Variants in EML4 observed in about 807,000 individuals in gnomAD.
The protein encoded by EML4 is EMAP like 4.
In EML4, 72 loss-of-function variants were observed where a neutral mutation model predicts 129.0. That is an observed-to-expected ratio of 0.56 (90% CI 0.46 to 0.68). EML4 has a LOEUF of 0.68. Ranked by LOEUF, EML4 falls within the 30% of genes least tolerant of loss-of-function variation. The probability of loss-of-function intolerance (pLI) is 0.00; values close to 1 mark genes in which losing one functional copy is unlikely to be tolerated. For synonymous variants in EML4, 532 were observed against 405.0 expected, an observed-to-expected ratio of 1.31 and a Z score of -3.77; for missense variants, 1,363 against 1,190.6, an observed-to-expected ratio of 1.14 and a Z score of -2.13.
intron 3 of EML4, among the ~76,000 whole-genome samples, 200 bp from the exon 4 acceptor site, chr2:42,260,921 T>G (rs1665695122): frequency 1.3e-5 from 2 of 152,214 alleles, no homozygotes; most frequent in African/African-American, 4.8e-5. Flanking sequence ...CGCCTTAGAA[T>G]TTTTATAAAT....
chr2:42,231,520 C>G (rs530254945), intron 1 of EML4, among the ~76,000 whole-genome samples: 2 of 152,260 alleles, frequency 1.3e-5, no homozygotes, highest in South Asian at 4.1e-4. Context: ...TTCCTTTGTT[C>G]TCTATCAGTG....
At chr2:42,192,528 C>T (rs1042159207) in intron 1 of EML4, among the ~76,000 whole-genome samples, 8 of 152,150 alleles carry the variant, frequency 5.3e-5, no homozygotes, top group Admixed American at 1.3e-4. Flanking sequence ...GCATCAGCCA[C>T]CGTGCCCAGC....
chr2:42,247,482 A>G (rs1420941390), intron 2 of EML4, among the ~76,000 whole-genome samples: 1 of 152,088 alleles, frequency 6.6e-6, no homozygotes, highest in Non-Finnish European at 1.5e-5. Flanking sequence ...TCTTGGCCTC[A>G]TGTACTCTGG....
At chr2:42,276,860 C>T (rs1003029367) in intron 6 of EML4, among the ~76,000 whole-genome samples, 2 of 152,210 alleles carry the variant, frequency 1.3e-5, no homozygotes, top group Non-Finnish European at 2.9e-5. Context: ...TATACTTGAT[C>T]TCCAACATAT....
intron 20 of EML4, 138 bp from the exon 21 acceptor site, chr2:42,326,016 C>T (rs2103835919): frequency 1.4e-5 from 16 of 1,177,078 alleles, no homozygotes; most frequent in South Asian, 7.1e-5. Flanking sequence ...CTTTCTTTTC[C>T]TTTTTAAATG....
Position 42,330,091 on chromosome 2 carries a change from G to C in EML4, c.2830G>C (p.Glu944Gln). 1 of 1,612,986 alleles carries C rather than the reference G, an allele frequency of 6.2e-7. No individual in the cohort carries two copies. The highest frequency in any genetic ancestry group is 8.5e-7 in the Non-Finnish European group (1 of 1,179,878). The change falls in exon 23 of 23, where the codon GAG becomes CAG. Residue 944 changes from glutamate to glutamine, a missense_variant. Coordinates refer to ENST00000318522, the MANE Select transcript of EML4 (RefSeq NM_019063.5). ...AGACCACAGCGAGGAGGAGAGTGAA[G>C]AGGGCAGCGGAGACCTTGGTGAGCC... ...SEDHSEEESE[E>Q]GSGDLGEPLY...
Position 42,329,924 on chromosome 2 carries a change from C to A in EML4, c.2663C>A (p.Ser888Tyr). 6.2e-7 allele frequency: 1 copy of A among 1,614,050 alleles called. No homozygotes were observed. The highest frequency in any genetic ancestry group is 8.5e-7 in the Non-Finnish European group (1 of 1,180,020). ...DTTLTKAPVS[S>Y]TESVIQSNTP... ...ACTCTAACCAAAGCCCCCGTCTCTTCCACTGAAAGTGTCATCCAATCTAAT... is the reference window on the plus strand; with the variant it reads ...ACTCTAACCAAAGCCCCCGTCTCTTACACTGAAAGTGTCATCCAATCTAAT... Residue 888 changes from serine (S) to tyrosine (Y), a missense_variant, in exon 23 of 23, where the codon TCC becomes TAC. Transcript: ENST00000318522.
At chr2:42,238,063 T>G (rs1321256136) in intron 1 of EML4, among the ~76,000 whole-genome samples, 1 of 152,254 alleles carries the variant, frequency 6.6e-6, no homozygotes, top group African/African-American at 2.4e-5. Context: ...TGCACAAAAT[T>G]ATTTTTTAAA....
intron 21 of EML4, among the ~76,000 whole-genome samples, chr2:42,326,984 G>C (rs777874084): frequency 6.6e-6 from 1 of 152,054 alleles, no homozygotes; most frequent in Non-Finnish European, 1.5e-5. Context: ...AAGAAACTCT[G>C]TACCCATTAA....
rs181615546 is a variant in EML4 at position 42,190,715 on chromosome 2, C to T, written c.25+21079C>T. Among the ~76,000 whole-genome samples the T allele has an allele frequency of 5.2e-3, 796 of 152,244 alleles. 4 individuals are homozygous for T. The highest frequency in any genetic ancestry group is 6.6e-3 in the Non-Finnish European group (452 of 68,018). On this transcript the variant is annotated intron_variant, in intron 1 of 22. Coordinates refer to ENST00000318522, the MANE Select transcript of EML4 (RefSeq NM_019063.5). ...TTTGGTGTGTATCTTTATAGTCTTGCATAGGGGTTGGCAACTTTCTGTAAA... is the reference window on the plus strand; with the variant it reads ...TTTGGTGTGTATCTTTATAGTCTTGTATAGGGGTTGGCAACTTTCTGTAAA...
At chr2:42,235,642 T>G (rs1033447896) in intron 1 of EML4, among the ~76,000 whole-genome samples, 4 of 152,194 alleles carry the variant, frequency 2.6e-5, no homozygotes, top group African/African-American at 4.8e-5. Flanking sequence ...CAGAGACTAT[T>G]TCAAATTTTT....
At chr2:42,284,776 C>T (rs1161137502) in intron 9 of EML4, 73 bp downstream of exon 9, 6 of 1,090,400 alleles carry the variant, frequency 5.5e-6, no homozygotes, top group Non-Finnish European at 7.9e-6. Flanking sequence ...GTAATTTTAA[C>T]CACAACTCAT....
intron 13 of EML4, among the ~76,000 whole-genome samples, chr2:42,300,951 A>T (rs777846479): frequency 6.6e-6 from 1 of 152,212 alleles, no homozygotes; most frequent in South Asian, 2.1e-4. Context: ...CCTATACTAT[A>T]TCCCCTTTCG....
intron 2 of EML4, among the ~76,000 whole-genome samples, chr2:42,249,316 G>C (rs1675618116): frequency 6.6e-6 from 1 of 150,636 alleles, no homozygotes; most frequent in East Asian, 1.9e-4. Context: ...TGTGAAATTA[G>C]AATTTATAGT....
intron 1 of EML4, among the ~76,000 whole-genome samples, chr2:42,186,471 T>C (rs1000124951): frequency 1.3e-5 from 2 of 152,170 alleles, no homozygotes; most frequent in Non-Finnish European, 2.9e-5. Context: ...TCCTAAGAAA[T>C]GTATGAGAAA....
intron 1 of EML4, among the ~76,000 whole-genome samples, chr2:42,199,809 G>A (rs1403194888): frequency 6.6e-6 from 1 of 152,146 alleles, no homozygotes; most frequent in African/African-American, 2.4e-5. Context: ...AGAAATCCGA[G>A]GCCATAAGTT....
chr2:42,328,890 C>T lies in EML4; in HGVS notation c.2346C>T (p.Val782=). ...CCCTGTGTTTCCATATCAAAGGTGT[C>T]TGGCCAGAAGGATCTGATGGGACAG... ...TCVLGFQVFG[V]WPEGSDGTDI... is the part of the protein sequence containing the mutation. Residue 782 remains valine (V), a synonymous_variant, in exon 22 of 23, where the codon GTC becomes GTT. Transcript: ENST00000318522. 1 of 1,599,594 alleles carries T rather than the reference C, an allele frequency of 6.3e-7. No individual in the cohort carries two copies. The highest frequency in any genetic ancestry group is 1.1e-5 in the South Asian group (1 of 89,164).
chr2:42,239,187 G>A (rs1313117343), intron 1 of EML4, among the ~76,000 whole-genome samples: 1 of 152,138 alleles, frequency 6.6e-6, no homozygotes, highest in South Asian at 2.1e-4. Context: ...ATGATGGTGT[G>A]CCCCCACTAA....
intron 14 of EML4, among the ~76,000 whole-genome samples, chr2:42,302,388 G>A (rs191541417): frequency 8.5e-5 from 13 of 152,184 alleles, no homozygotes; most frequent in African/African-American, 2.9e-4. Flanking sequence ...TCAAGAGTGG[G>A]TAGGGCATGT....
Sources: allele counts gnomAD v4.1 joint callset (sites outside exome capture counted in the v4.1 genomes callset), GRCh38; gene constraint gnomAD v4.1.1; transcripts MANE v1.5; gene names NCBI Gene and HGNC (gene_info 2026-07-23, HGNC 2026-07-21).